Variants in MAP3K1 observed in about 807,000 individuals in gnomAD.
The protein encoded by MAP3K1 is MAP/ERK kinase kinase 1.
MAP3K1 carries 36 observed loss-of-function variants against 144.2 expected under a neutral mutation model. That is an observed-to-expected ratio of 0.25 (90% CI 0.19 to 0.33). The LOEUF (loss-of-function observed/expected upper bound fraction) is 0.33. Ranked by LOEUF, MAP3K1 falls within the 10% of genes least tolerant of loss-of-function variation. The pLI, the probability that MAP3K1 is intolerant of heterozygous loss-of-function variation, is 1.00. For synonymous variants in MAP3K1, 718 were observed against 688.7 expected (o/e 1.04, Z -0.67); for missense variants, 1,650 against 1,881.9 (o/e 0.88, Z 2.28).
Position 56,880,755 on chromosome 5 carries a change from A to G in MAP3K1, c.2132A>G (p.Lys711Arg), listed in dbSNP as rs1337909159. ...LSISTLLELC[K>R]GQAGELAVGR... ...ATATCAACACTGTTGGAACTGTGCA[A>G]AGGCCAAGCAGGAGAGTTGGCAGTT... is the stretch of plus-strand genomic sequence containing the variant. Residue 711 changes from lysine to arginine, a missense_variant, in exon 12 of 20, where the codon AAA becomes AGA. By Grantham distance (26) the Lys-to-Arg change is conservative (BLOSUM62 2). Around this residue, in one of 6 missense-constraint regions of MAP3K1, gnomAD observed 841 missense variants for 886.5 expected, o/e 0.95. Coordinates refer to ENST00000399503, the MANE Select transcript of MAP3K1 (RefSeq NM_005921.2). 1.2e-6 allele frequency: 2 copies of G among 1,613,834 alleles called. No homozygotes were observed. The highest frequency in any genetic ancestry group is 8.5e-7 in the Non-Finnish European group (1 of 1,179,816).
chr5:56,821,319 C>T (rs887205491), intron 1 of MAP3K1, among the ~76,000 whole-genome samples: 2 of 152,190 alleles, frequency 1.3e-5, no homozygotes, highest in African/African-American at 2.4e-5. Flanking sequence ...TGTTAAAACT[C>T]ACCAAGTGTA....
At chr5:56,833,131 A>G (rs1404307383) in intron 1 of MAP3K1, among the ~76,000 whole-genome samples, 3 of 152,170 alleles carry the variant, frequency 2.0e-5, no homozygotes, top group African/African-American at 7.2e-5. Context: ...CAGCCTCCCA[A>G]AGTGCTGGGA....
At chr5:56,884,035 G>A (rs1017561682) in intron 15 of MAP3K1, among the ~76,000 whole-genome samples, 2 of 152,106 alleles carry the variant, frequency 1.3e-5, no homozygotes, top group Non-Finnish European at 2.9e-5. Flanking sequence ...TGTAGTCCCA[G>A]CTACTCAGGA....
At position 56,883,613 on chromosome 5, in the gene MAP3K1, T is replaced by C; in HGVS notation, c.3753T>C (p.Leu1251=). 6.2e-7 allele frequency: 1 copy of C among 1,614,150 alleles called. No individual in the cohort carries two copies. The highest frequency in any genetic ancestry group is 8.5e-7 in the Non-Finnish European group (1 of 1,179,994). ...TEWLKGQQIG[L]GAFSSCYQAQ... is the part of the protein sequence containing the mutation. ...GGCTGAAAGGTCAACAGATAGGCCT[T>C]GGAGCATTTTCTTCTTGTTATCAGG... Residue 1251 remains leucine (L), a synonymous_variant, in exon 15 of 20, where the codon CTT becomes CTC. Coordinates refer to ENST00000399503, the MANE Select transcript of MAP3K1 (RefSeq NM_005921.2).
intron 7 of MAP3K1, 44 bp downstream of exon 7, chr5:56,872,075 T>G (rs1747870206): frequency 1.2e-6 from 2 of 1,612,194 alleles, no homozygotes; most frequent in African/African-American, 2.7e-5. Context: ...ACACAGTTGC[T>G]CTCTGAGCTA....
At chr5:56,818,327 C>T (rs1452125314) in intron 1 of MAP3K1, among the ~76,000 whole-genome samples, 3 of 151,976 alleles carry the variant, frequency 2.0e-5, no homozygotes, top group African/African-American at 4.8e-5. Flanking sequence ...TAATTATAGC[C>T]AACTCAATAA....
At chr5:56,826,090 C>G (rs1260677286) in intron 1 of MAP3K1, among the ~76,000 whole-genome samples, 1 of 151,920 alleles carries the variant, frequency 6.6e-6, no homozygotes, top group Non-Finnish European at 1.5e-5. Flanking sequence ...CAGCTGAATT[C>G]CAGCTCTGTC....
chr5:56,816,206 CCCCTTCGGAGTCGGGCGGCGCCCCGGA>C (rs1745961770), intron 1 of MAP3K1, 151 bp downstream of exon 1: 1 of 816,908 alleles, frequency 1.2e-6, no homozygotes, highest in Non-Finnish European at 1.6e-6. Context: ...CACCCCCCGA[CCCCTTCGGAGTCGGGCGGCGCCCCGGA>C]CCCAGCCTGG....
chr5:56,883,488 C>A, intron 14 of MAP3K1, 39 bp from the exon 15 acceptor site: 1 of 1,601,142 alleles, frequency 6.2e-7, no homozygotes, highest in East Asian at 2.2e-5. Context: ...AAATCTTACT[C>A]CTTTAACAGT....
chr5:56,888,228 A>C lies in MAP3K1; in HGVS notation c.4260A>C (p.Val1420=). Reference sequence around the variant, plus strand: ...AAATTAACTCTGATTTATTTTAGGTACTAAGAGGTCAACAGTATGGAAGGA... The same window carrying C: ...AAATTAACTCTGATTTATTTTAGGTCCTAAGAGGTCAACAGTATGGAAGGA... ...LGTIAFMAPE[V]LRGQQYGRSC... Residue 1420 remains valine, a splice_region_variant and synonymous_variant, in exon 19 of 20, where the codon GTA becomes GTC. Transcript: ENST00000399503. 6.2e-7 allele frequency: 1 copy of C among 1,613,618 alleles called. No homozygotes were observed. Among genetic ancestry groups the C allele is most frequent in the Non-Finnish European group, 8.5e-7 (1 of 1,179,538 alleles).
intron 3 of MAP3K1, among the ~76,000 whole-genome samples, chr5:56,861,386 A>G (rs1312589339): frequency 6.6e-6 from 1 of 152,028 alleles, no homozygotes; most frequent in East Asian, 1.9e-4. Context: ...AGCCTGGCCA[A>G]CGTGGTGAAA....
chr5:56,817,051 G>C, intron 1 of MAP3K1: 1 of 985,422 alleles, frequency 1.0e-6, no homozygotes, highest in Non-Finnish European at 1.2e-6. Flanking sequence ...AATTCCAGGG[G>C]CCGCAGTGCG....
chr5:56,842,915 G>A (rs531219810), intron 1 of MAP3K1, among the ~76,000 whole-genome samples: 3 of 152,254 alleles, frequency 2.0e-5, no homozygotes, highest in Admixed American at 1.3e-4. Flanking sequence ...AACCCAGGCA[G>A]TCTCGCTCCA....
rs1748624410 is a variant in MAP3K1 at position 56,893,849 on chromosome 5, C to T, written c.*169C>T. 2 of 724,704 alleles carry T rather than the reference C, an allele frequency of 2.8e-6. No individual in the cohort carries two copies. The highest frequency in any genetic ancestry group is 4.7e-6 in the Non-Finnish European group (2 of 425,670). 44.9% of individuals were successfully genotyped at this position (724,704 alleles called of 1,614,324 possible). ...GTGATTGACAAATCATGATCTGTAC[C>T]TAAGCTCAGTATGCAAAAGCCCAAA... On this transcript the variant is annotated 3_prime_UTR_variant, in exon 20 of 20. Coordinates refer to ENST00000399503, the MANE Select transcript of MAP3K1 (RefSeq NM_005921.2).
chr5:56,836,009 A>C (rs1746643714), intron 1 of MAP3K1, among the ~76,000 whole-genome samples: 1 of 152,208 alleles, frequency 6.6e-6, no homozygotes, highest in South Asian at 2.1e-4. Flanking sequence ...CTGTATGCAG[A>C]TACTAGGAAG....
intron 1 of MAP3K1, among the ~76,000 whole-genome samples, chr5:56,831,029 GTTAA>G (rs1746472499): frequency 6.6e-6 from 1 of 151,762 alleles, no homozygotes; most frequent in Admixed American, 6.6e-5. Context: ...TATTTAAAAT[GTTAA>G]TTCATTCCCA....
At chr5:56,869,777 T>G (rs1377151616) in intron 6 of MAP3K1, among the ~76,000 whole-genome samples, 4 of 152,206 alleles carry the variant, frequency 2.6e-5, no homozygotes, top group African/African-American at 4.8e-5. Context: ...CTTGGATTAT[T>G]TTTGCCATGA....
chr5:56,873,261 C>T (rs536365017), intron 9 of MAP3K1, among the ~76,000 whole-genome samples: 3 of 152,120 alleles, frequency 2.0e-5, no homozygotes, highest in Non-Finnish European at 4.4e-5. Flanking sequence ...AACGGACATA[C>T]GGGGTTATTC....
At chr5:56,861,678 T>C (rs1304947304) in intron 3 of MAP3K1, among the ~76,000 whole-genome samples, 1 of 151,860 alleles carries the variant, frequency 6.6e-6, no homozygotes, top group Non-Finnish European at 1.5e-5. Context: ...AAACATCATA[T>C]CACAGCAGAT....
Sources: allele counts gnomAD v4.1 joint callset (sites outside exome capture counted in the v4.1 genomes callset), GRCh38; gene constraint gnomAD v4.1.1; regional missense constraint gnomAD v4.1.1; transcripts MANE v1.5; gene names NCBI Gene and HGNC (gene_info 2026-07-23, HGNC 2026-07-21).